TOX: variants seen among roughly 807,000 people sequenced by gnomAD.
The protein encoded by TOX is thymocyte selection associated high mobility group box, also known as thymocyte selection-associated high mobility group box protein TOX.
In TOX, 11 loss-of-function variants were observed where a neutral mutation model predicts 53.7. That is an observed-to-expected ratio of 0.20 (90% CI 0.13 to 0.34). The LOEUF is 0.34. TOX is among the 10% of genes least tolerant of loss of function. The pLI is 1.00. For synonymous variants in TOX, 225 were observed against 245.3 expected (o/e 0.92, Z 0.77); for missense variants, 570 against 664.6 (o/e 0.86, Z 1.56).
chr8:58,870,921 C>A (rs1223878878), intron 3 of TOX, among the ~76,000 whole-genome samples: 1 of 151,956 alleles, frequency 6.6e-6, no homozygotes, highest in South Asian at 2.1e-4. Flanking sequence ...ATACAATTAG[C>A]CATCATGCTC....
At chr8:59,000,324 C>T (rs1813667396) in intron 1 of TOX, among the ~76,000 whole-genome samples, 4 of 152,122 alleles carry the variant, frequency 2.6e-5, no homozygotes, top group African/African-American at 9.7e-5. Context: ...TATGGTTATA[C>T]ACTCTAAAAA....
chr8:59,050,638 T>C (rs543467835), intron 1 of TOX, among the ~76,000 whole-genome samples: 21 of 152,294 alleles, frequency 1.4e-4, no homozygotes, highest in African/African-American at 5.1e-4. Context: ...TAATTCCTTG[T>C]ACTAATACAA....
intron 1 of TOX, among the ~76,000 whole-genome samples, chr8:59,069,664 G>A (rs1403782177): frequency 2.0e-5 from 3 of 152,054 alleles, no homozygotes; most frequent in Non-Finnish European, 2.9e-5. Context: ...CAGAGATAGC[G>A]CCAAAATTTC....
At chr8:59,110,304 T>A (rs1368488382) in intron 1 of TOX, among the ~76,000 whole-genome samples, 1 of 152,196 alleles carries the variant, frequency 6.6e-6, no homozygotes, top group East Asian at 1.9e-4. Context: ...CCTGCCTCTT[T>A]ATTATTAACA....
At chr8:58,846,214 G>A (rs1480281775) in intron 4 of TOX, among the ~76,000 whole-genome samples, 3 of 149,132 alleles carry the variant, frequency 2.0e-5, no homozygotes, top group East Asian at 1.9e-4. Context: ...CAGCCTTAAC[G>A]AATAGAATAC....
chr8:58,990,639 G>C (rs145342980), intron 1 of TOX, among the ~76,000 whole-genome samples: 125 of 152,238 alleles, frequency 8.2e-4, no homozygotes, highest in African/African-American at 2.9e-3. Context: ...TGTGGAACAG[G>C]AGAGAAGGGG....
intron 1 of TOX, among the ~76,000 whole-genome samples, chr8:59,058,652 T>C (rs895382263): frequency 2.6e-5 from 4 of 152,122 alleles, no homozygotes; most frequent in Admixed American, 2.0e-4. Context: ...CTTAAATACG[T>C]TAGCAGCCAG....
intron 1 of TOX, among the ~76,000 whole-genome samples, chr8:58,975,262 A>ACC (rs1299126668): frequency 2.2e-5 from 3 of 137,986 alleles, no homozygotes; most frequent in African/African-American, 7.8e-5. Context: ...ACACACACAC[A>ACC]CCCCCACACA....
intron 1 of TOX, among the ~76,000 whole-genome samples, chr8:59,030,719 G>A (rs189294436): frequency 3.3e-5 from 5 of 152,136 alleles, no homozygotes; most frequent in African/African-American, 1.2e-4. Flanking sequence ...TGTTCCAACG[G>A]TAATAAAACA....
intron 1 of TOX, among the ~76,000 whole-genome samples, chr8:58,998,782 G>T (rs1813633454): frequency 6.6e-6 from 1 of 151,672 alleles, no homozygotes; most frequent in African/African-American, 2.4e-5. Flanking sequence ...CTGAATAATT[G>T]ATTCAGATAG....
chr8:58,989,610 T>G (rs1254637522), intron 1 of TOX, among the ~76,000 whole-genome samples: 1 of 152,234 alleles, frequency 6.6e-6, no homozygotes, highest in African/African-American at 2.4e-5. Flanking sequence ...CATATGCTAT[T>G]TCACTTGCAT....
In TOX at chr8:58,854,514, A is replaced by C. The variant is rs1008518953; in HGVS notation, c.412-2709T>G. ...TCTGGACACTAAAATCTGCATTCCC[A>C]CTCTTGCAATGGAAGGAGAAGAAGG... On this transcript the variant is annotated intron_variant, in intron 3 of 8. Transcript: ENST00000361421. 2.0e-5 allele frequency among the ~76,000 whole-genome samples: 3 copies of C among 149,562 alleles called. No homozygotes were observed. The East Asian group carries it at 5.8e-4, about 29-fold the overall frequency.
At chr8:59,094,376 A>T (rs1804674709) in intron 1 of TOX, among the ~76,000 whole-genome samples, 1 of 152,074 alleles carries the variant, frequency 6.6e-6, no homozygotes, top group Non-Finnish European at 1.5e-5. Context: ...AGTGGCTCAC[A>T]TCTGTAGTCC....
chr8:58,841,733 G>A (rs1448502835), intron 4 of TOX, among the ~76,000 whole-genome samples: 2 of 152,124 alleles, frequency 1.3e-5, no homozygotes, highest in Non-Finnish European at 2.9e-5. Flanking sequence ...ATTTCATGAC[G>A]TACACATATA....
At chr8:58,877,419 T>A (rs1212748609) in intron 3 of TOX, among the ~76,000 whole-genome samples, 1 of 152,222 alleles carries the variant, frequency 6.6e-6, no homozygotes, top group Non-Finnish European at 1.5e-5. Context: ...AGGGAATGTG[T>A]GGTCCCGCAC....
chr8:59,041,370 TC>T (rs915919916), intron 1 of TOX, among the ~76,000 whole-genome samples: 80 of 151,950 alleles, frequency 5.3e-4, no homozygotes, highest in African/African-American at 1.8e-3. Flanking sequence ...CAGGCAGGAG[TC>T]CGTGACCTGT....
At position 58,872,717 on chromosome 8, in the gene TOX, A is replaced by G. The variant is rs116872059; in HGVS notation, c.412-20912T>C. Among the ~76,000 whole-genome samples, 544 of 152,308 alleles carry G rather than the reference A, an allele frequency of 3.6e-3. 1 individual carries two copies. Among genetic ancestry groups the G allele is most frequent in the Middle Eastern group, 0.014 (4 of 294 alleles). ...GGTCTCAAAATTGCTGAGGTCATCA[A>G]AAACAAGGAAAGTCTGAGAAACTGC... On this transcript the variant is annotated intron_variant, in intron 3 of 8. Transcript: ENST00000361421.
chr8:59,073,363 A>G (rs973059555), intron 1 of TOX, among the ~76,000 whole-genome samples: 21 of 152,286 alleles, frequency 1.4e-4, no homozygotes, highest in African/African-American at 5.1e-4. Flanking sequence ...CATAAAAACC[A>G]CCAGGAAAAC....
intron 1 of TOX, among the ~76,000 whole-genome samples, chr8:59,005,041 T>G (rs1813761919): frequency 1.8e-5 from 1 of 56,814 alleles, no homozygotes; most frequent in Non-Finnish European, 3.8e-5. Flanking sequence ...AAAATATCAT[T>G]TTCTTTTTTT....
Sources: gnomAD v4.1 joint callset for allele counts (sites outside exome capture counted in the v4.1 genomes callset) on GRCh38, gnomAD v4.1.1 for gene constraint, MANE v1.5 for transcripts, NCBI Gene and HGNC (gene_info 2026-07-23, HGNC 2026-07-21) for gene names.